The following TNRC6C variants were observed in gnomAD, a reference collection of about 807,000 sequenced individuals.
TNRC6C encodes the protein trinucleotide repeat-containing gene 6C protein.
A neutral mutation model predicts 153.7 loss-of-function variants in TNRC6C; 20 were observed. That is an observed-to-expected ratio of 0.13 (90% CI 0.09 to 0.19). The LOEUF is 0.19. TNRC6C is among the 10% of genes least tolerant of loss of function. The pLI is 1.00. For synonymous variants in TNRC6C, 811 were observed against 841.4 expected, an observed-to-expected ratio of 0.96 and a Z score of 0.63; for missense variants, 1,987 against 2,172.0, an observed-to-expected ratio of 0.91 and a Z score of 1.69.
chr17:78,087,639 C>T (rs2073320874), intron 13 of TNRC6C, among the ~76,000 whole-genome samples: 1 of 152,280 alleles, frequency 6.6e-6, no homozygotes, highest in East Asian at 1.9e-4. Flanking sequence ...ACAGAGAAGA[C>T]TTTATAATGG....
chr17:78,005,020 G>GTT, upstream of TNRC6C: 1 of 1,183,896 alleles, frequency 8.4e-7, no homozygotes, highest in Non-Finnish European at 1.1e-6. Flanking sequence ...TTCCTAAAGA[G>GTT]TTTCTTTCTT....
chr17:78,035,211 G>C (rs767233947), intron 2 of TNRC6C, among the ~76,000 whole-genome samples: 4 of 152,160 alleles, frequency 2.6e-5, no homozygotes, highest in African/African-American at 7.2e-5. Flanking sequence ...ATGTTGTTAC[G>C]GTGTTGGCAC....
chr17:78,053,104 C>T (rs2072571031), intron 3 of TNRC6C, among the ~76,000 whole-genome samples: 1 of 152,180 alleles, frequency 6.6e-6, no homozygotes, highest in Non-Finnish European at 1.5e-5. Flanking sequence ...CCCCCGACCC[C>T]TGACGGTTCC....
chr17:78,077,321 A>G (rs777603042), exon 9 of TNRC6C: 1 of 1,575,342 alleles, frequency 6.3e-7, no homozygotes, highest in Admixed American at 1.8e-5. Context: ...CAAAACTTGA[A>G]TTCTTCTAGA....
intron 17 of TNRC6C, 59 bp from the exon 21 acceptor site, chr17:78,102,415 G>A: frequency 6.8e-7 from 1 of 1,479,374 alleles, no homozygotes; most frequent in South Asian, 1.2e-5. Flanking sequence ...GAAGTGGGGA[G>A]GGCCGCACTA....
chr17:78,093,239 A>C (rs1284324182), intron 15 of TNRC6C, 115 bp downstream of exon 17: 5 of 1,177,314 alleles, frequency 4.2e-6, no homozygotes, highest in Admixed American at 2.5e-5. Flanking sequence ...TGGAAGCGTT[A>C]AGCCCAGAGC....
At chr17:77,982,175 A>G (rs982323306) in intron 1 of TNRC6C, among the ~76,000 whole-genome samples, 14 of 152,224 alleles carry the variant, frequency 9.2e-5, no homozygotes, top group Admixed American at 1.3e-4. Flanking sequence ...TGGAGGGTCT[A>G]TAGAACCCAG....
rs2072535528 is a variant in TNRC6C at position 78,051,493 on chromosome 17, A to AT, written c.2395+36_2395+37insT. ...TTTCTTTACAAGTAAAAAAAAAAAA[A>AT]AAAAAGCTTATTCTCATTATATATT... On this transcript the variant is annotated intron_variant, in intron 3 of 19. Transcript: ENST00000301624. 2.1e-6 allele frequency: 3 copies of AT among 1,396,830 alleles called. No individual in the cohort carries two copies. In the East Asian group the frequency reaches 7.7e-5, roughly 36 times the overall value. 86.5% of individuals were successfully genotyped at this position (1,396,830 alleles called of 1,614,324 possible).
intron 1 of TNRC6C, chr17:78,012,065 T>G (rs919170564): frequency 7.9e-5 from 12 of 151,910 alleles, no homozygotes; most frequent in African/African-American, 2.9e-4. Context: ...CTACAGGTTG[T>G]CTACATGCCT....
chr17:78,085,282 C>G (rs1183142427), intron 11 of TNRC6C, among the ~76,000 whole-genome samples: 5 of 152,066 alleles, frequency 3.3e-5, no homozygotes, highest in Non-Finnish European at 7.4e-5. Flanking sequence ...TGTTGAATTA[C>G]CAATAGGGTG....
rs2144677937 is a variant in TNRC6C, at chr17:78,104,161, T to TAA, written c.4713-323_4713-322dup. Among the ~76,000 whole-genome samples the TAA allele has an allele frequency of 6.6e-6, 1 of 152,326 alleles. No individual in the cohort carries two copies. Among genetic ancestry groups the TAA allele is most frequent in the East Asian group, 1.9e-4 (1 of 5,188 alleles). ...TAGAAGTACGAGTAGACCTGATCAG[T>TAA]AACATCACTTGAGACGTTGGAACCT... On this transcript the variant is annotated intron_variant, in intron 19 of 19. Transcript: ENST00000301624. The surrounding 1 kb of genome is among the most constrained non-coding windows in gnomAD (Gnocchi z 6.2).
chr17:77,980,205 G>C (rs926341328), intron 1 of TNRC6C, among the ~76,000 whole-genome samples: 3 of 152,160 alleles, frequency 2.0e-5, no homozygotes, highest in African/African-American at 7.2e-5. Context: ...ATATTGATAG[G>C]TGCAGCAAAC....
At chr17:78,033,540 A>G (rs936595266) in intron 2 of TNRC6C, among the ~76,000 whole-genome samples, 14 of 152,236 alleles carry the variant, frequency 9.2e-5, no homozygotes, top group African/African-American at 3.4e-4. Flanking sequence ...ATGTTGGCAC[A>G]TGCCTGTAAT....
At chr17:78,051,097 T>C (rs761625005) in exon 3 of TNRC6C, 6 of 1,594,978 alleles carry the variant, frequency 3.8e-6, no homozygotes, top group Middle Eastern at 1.7e-4. Flanking sequence ...TGTGAGTAAC[T>C]GGGGAGGAGC....
At chr17:78,070,889 A>G (rs762205700) in intron 5 of TNRC6C, among the ~76,000 whole-genome samples, 196 bp from the exon 8 acceptor site, 12 of 152,194 alleles carry the variant, frequency 7.9e-5, no homozygotes, top group South Asian at 4.1e-4. Context: ...CAACCTGCAA[A>G]TGTACCTTGA....
intron 1 of TNRC6C, among the ~76,000 whole-genome samples, chr17:77,991,690 G>A (rs1167763398): frequency 6.6e-6 from 1 of 152,200 alleles, no homozygotes; most frequent in African/African-American, 2.4e-5. Context: ...TAGCAGCTTC[G>A]CTTTTACTCT....
intron 13 of TNRC6C, among the ~76,000 whole-genome samples, chr17:78,088,557 T>G (rs981428970): frequency 6.6e-6 from 1 of 152,144 alleles, no homozygotes; most frequent in Non-Finnish European, 1.5e-5. Context: ...GTGGAAATAC[T>G]TAACTCCTAG....
Position 78,049,688 on chromosome 17 carries a change from G to A in TNRC6C, c.626G>A (p.Gly209Asp). Residue 209 changes from glycine (G) to aspartate (D), a missense_variant, in exon 3 of 20, where the codon GGC becomes GAC. Physicochemically the swap from Gly to Asp is moderately conservative, Grantham distance 94 (BLOSUM62 -1). Transcript: ENST00000301624. The surrounding 1 kb of genome is among the most constrained non-coding windows in gnomAD (Gnocchi z 4.1). ...CAGACAAATGGACTGCCAAACTGGG[G>A]CATGGCTGTTGGTATGGGGGCCATC... 6.2e-7 allele frequency: 1 copy of A among 1,609,034 alleles called. No individual in the cohort carries two copies. Among genetic ancestry groups the A allele is most frequent in the Non-Finnish European group, 8.5e-7 (1 of 1,176,168 alleles).
chr17:77,959,884 A>T (rs2144015460), intron 1 of TNRC6C, among the ~76,000 whole-genome samples: 1 of 152,258 alleles, frequency 6.6e-6, no homozygotes, highest in South Asian at 2.1e-4. Context: ...CCTCCTTTGC[A>T]CCTTTACCTT....
Sources: gnomAD v4.1 joint callset for allele counts (sites outside exome capture counted in the v4.1 genomes callset) on GRCh38, gnomAD v4.1.1 for gene constraint, Gnocchi (gnomAD v3.1) non-coding constraint, MANE v1.5 for transcripts, NCBI Gene and HGNC (gene_info 2026-07-23, HGNC 2026-07-21) for gene names.